Variants in N4BP1 observed in about 807,000 individuals in gnomAD.
N4BP1 encodes NEDD4-binding protein 1.
In N4BP1, 21 loss-of-function variants were observed where a neutral mutation model predicts 70.9. That is an observed-to-expected ratio of 0.30 (90% confidence interval 0.21 to 0.43). The LOEUF (loss-of-function observed/expected upper bound fraction) is 0.43, where lower values mean the gene tolerates loss of function less well. Among genes scored for constraint, N4BP1 ranks in the 20% least tolerant of loss-of-function variants. N4BP1 has a pLI of 1.00. For missense variants in N4BP1, 936 were observed against 1,069.4 expected (o/e 0.88, Z 1.74); for synonymous variants, 387 against 394.6 (o/e 0.98, Z 0.23).
chr16:48,581,265 C>T (rs1464029467), intron 1 of N4BP1, among the ~76,000 whole-genome samples: 1 of 151,286 alleles, frequency 6.6e-6, no homozygotes, highest in African/African-American at 2.4e-5. Flanking sequence ...AAAAAAATCC[C>T]AACACTTCAA....
At chr16:48,575,918 C>A (rs985983381) in intron 1 of N4BP1, among the ~76,000 whole-genome samples, 1 of 152,164 alleles carries the variant, frequency 6.6e-6, no homozygotes, top group Admixed American at 6.5e-5. Flanking sequence ...TTCAAGTCAA[C>A]CACAAGTCAC....
chr16:48,553,745 T>C, intron 2 of N4BP1, 76 bp from the exon 3 acceptor site: 1 of 1,216,684 alleles, frequency 8.2e-7, no homozygotes, highest in Non-Finnish European at 1.1e-6. Context: ...CATGAAAAGT[T>C]AACATACACA....
chr16:48,569,718 A>C (rs1406583787), intron 1 of N4BP1, among the ~76,000 whole-genome samples: 1 of 152,154 alleles, frequency 6.6e-6, no homozygotes, highest in Non-Finnish European at 1.5e-5. Context: ...TATCTATCCC[A>C]CATGTATGCC....
chr16:48,579,941 G>A (rs1477183068), intron 1 of N4BP1, among the ~76,000 whole-genome samples: 2 of 151,742 alleles, frequency 1.3e-5, no homozygotes, highest in African/African-American at 2.4e-5. Flanking sequence ...ATATATATAT[G>A]TACACACTCA....
At chr16:48,608,832 C>T (rs981342926) in intron 1 of N4BP1, among the ~76,000 whole-genome samples, 1 of 151,274 alleles carries the variant, frequency 6.6e-6, no homozygotes, top group Non-Finnish European at 1.5e-5. Context: ...GCTGCACATT[C>T]CTTCTGAAGC....
At chr16:48,609,717 G>GCCCGGAGA in intron 1 of N4BP1, 58 bp downstream of exon 1, 1 of 1,231,398 alleles carries the variant, frequency 8.1e-7, no homozygotes, top group Non-Finnish European at 1.0e-6. Context: ...AGGAGCGGGA[G>GCCCGGAGA]CCCGGAGACC....
rs150451089 is a variant in N4BP1, at chr16:48,546,039, A to T, written c.2333+108T>A. 5.0e-3 allele frequency: 3,452 copies of T among 694,210 alleles called. 88 individuals are homozygous for T. The African/African-American group carries it at 0.056, about 11-fold the overall frequency. The allele number at this position is 694,210 out of a possible 1,614,324, so 43.0% of individuals were successfully genotyped here. On this transcript the variant is annotated intron_variant, in intron 6 of 6. Transcript: ENST00000262384. Reference sequence around the variant, plus strand: ...GAAGACCTTGTCTCAAAAAAAAAAAAAATAATTTTTTTAATGTCATTTTTA... The same window carrying T: ...GAAGACCTTGTCTCAAAAAAAAAAATAATAATTTTTTTAATGTCATTTTTA...
chr16:48,581,392 G>A (rs899437229), intron 1 of N4BP1, among the ~76,000 whole-genome samples: 1 of 151,990 alleles, frequency 6.6e-6, no homozygotes, highest in African/African-American at 2.4e-5. Flanking sequence ...TTTCAATATG[G>A]TATTCAAAGT....
intron 1 of N4BP1, among the ~76,000 whole-genome samples, chr16:48,594,489 G>A (rs970926510): frequency 6.6e-6 from 1 of 152,036 alleles, no homozygotes; most frequent in Non-Finnish European, 1.5e-5. Context: ...CAAGTGGCTG[G>A]GATTATAGGT....
At chr16:48,556,700 C>T (rs1416169604) in intron 2 of N4BP1, among the ~76,000 whole-genome samples, 1 of 152,114 alleles carries the variant, frequency 6.6e-6, no homozygotes, top group Non-Finnish European at 1.5e-5. Context: ...GGGTGACACA[C>T]AGCTGATAAA....
chr16:48,562,232 A>G lies in N4BP1; in HGVS notation c.411T>C (p.Phe137=). 6.2e-7 allele frequency: 1 copy of G among 1,613,898 alleles called. No homozygotes were observed. The highest frequency in any genetic ancestry group is 2.2e-5 in the East Asian group (1 of 44,880). The change falls in exon 2 of 7, where the codon TTT becomes TTC. Residue 137 remains phenylalanine (F), a synonymous_variant. Coordinates refer to ENST00000262384, the MANE Select transcript of N4BP1 (RefSeq NM_153029.4). ...VVMARSHIQQ[F]VKLFENKENL... is the part of the protein sequence containing the mutation. ...TCTCTTTATTTTCAAAGAGCTTTACAAATTGTTGAATGTGACTCCTAGCCA... is the reference window on the plus strand; with the variant it reads ...TCTCTTTATTTTCAAAGAGCTTTACGAATTGTTGAATGTGACTCCTAGCCA...
Position 48,561,463 on chromosome 16 carries a change from C to T in N4BP1, c.1180G>A (p.Asp394Asn). ...IEKENKRFQE[D>N]REFSAGTVYP... The stretch of plus-strand genomic sequence containing the variant: ...ACTGTACCAGCTGAAAATTCTCTGT[C>T]TTCTTGGAATCTTTTATTTTCTTTT... Residue 394 changes from aspartate (D) to asparagine (N), a missense_variant, in exon 2 of 7, where the codon GAC becomes AAC. Asp to Asn is a conservative substitution (Grantham distance 23). Around this residue, in one of 4 missense-constraint regions of N4BP1, gnomAD observed 515 missense variants for 491.7 expected, o/e 1.05. Transcript: ENST00000262384. 6.2e-7 allele frequency: 1 copy of T among 1,611,818 alleles called. No individual in the cohort carries two copies. The highest frequency in any genetic ancestry group is 2.2e-5 in the East Asian group (1 of 44,866).
Position 48,609,801 on chromosome 16 carries a change from C to T in N4BP1, c.172G>A (p.Ala58Thr). 6.8e-7 allele frequency: 1 copy of T among 1,467,428 alleles called. No individual in the cohort carries two copies. Among genetic ancestry groups the T allele is most frequent in the Middle Eastern group, 2.3e-4 (1 of 4,414 alleles). 90.9% of individuals were successfully genotyped at this position (1,467,428 alleles called of 1,614,324 possible). Residue 58 changes from alanine (A) to threonine (T), a missense_variant, in exon 1 of 7, where the codon GCG becomes ACG. By Grantham distance (58) the Ala-to-Thr change is moderately conservative. Transcript: ENST00000262384. Reference sequence around the variant, plus strand: ...TTGGCGCTGTGCACCGCCTCCTGCGCCCCGCAGAGCTGCAGCCAGATGCGC... The same window carrying T: ...TTGGCGCTGTGCACCGCCTCCTGCGTCCCGCAGAGCTGCAGCCAGATGCGC... The part of the protein sequence containing the change: ...PARIWLQLCG[A>T]QEAVHSAKEY...
At chr16:48,601,066 A>G (rs768304376) in intron 1 of N4BP1, among the ~76,000 whole-genome samples, 1 of 152,272 alleles carries the variant, frequency 6.6e-6, no homozygotes, top group Non-Finnish European at 1.5e-5. Context: ...AATTTGTATG[A>G]CAATGTCAAA....
At position 48,553,587 on chromosome 16, in the gene N4BP1, T is replaced by C. The variant is rs199510508; in HGVS notation, c.1972A>G (p.Thr658Ala). The change falls in exon 3 of 7, where the codon ACT becomes GCT. Residue 658 changes from threonine to alanine, a missense_variant. Thr to Ala is a moderately conservative substitution (Grantham distance 58). Coordinates refer to ENST00000262384, the MANE Select transcript of N4BP1 (RefSeq NM_153029.4). ...GTTCTCCACTGAGGGACAAATACAG[T>C]GATGTTTCTGTTGCCAAGCTTCCAA... is the stretch of plus-strand genomic sequence containing the variant. ...YFWKLGNRNITVFVPQWRTRR... is the reference protein window; with the variant it reads ...YFWKLGNRNIAVFVPQWRTRR... 6.2e-7 allele frequency: 1 copy of C among 1,608,744 alleles called. No individual in the cohort carries two copies. The highest frequency in any genetic ancestry group is 8.5e-7 in the Non-Finnish European group (1 of 1,177,840).
At chr16:48,549,891 C>CTGTGTTTT (rs1963641298) in intron 4 of N4BP1, among the ~76,000 whole-genome samples, 1 of 152,170 alleles carries the variant, frequency 6.6e-6, no homozygotes, top group Non-Finnish European at 1.5e-5. Flanking sequence ...GCGAAAACAC[C>CTGTGTTTT]AGGGTTGTTG....
rs1290544911 is a variant in N4BP1 at position 48,541,929 on chromosome 16, C to T, written c.*975G>A. On this transcript the variant is annotated 3_prime_UTR_variant, in exon 7 of 7. Coordinates refer to ENST00000262384, the MANE Select transcript of N4BP1 (RefSeq NM_153029.4). ...TGGGTCACTTTTGAGAATAGAAAAC[C>T]ATTTTTTGGCAAAGCTGTACAAACT... 1 of 152,626 alleles carries T rather than the reference C, an allele frequency of 6.6e-6. No homozygotes were observed. Among genetic ancestry groups the T allele is most frequent in the Non-Finnish European group, 1.5e-5 (1 of 68,048 alleles). 9.5% of individuals were successfully genotyped at this position (152,626 alleles called of 1,614,324 possible).
chr16:48,575,260 A>G (rs892554249), intron 1 of N4BP1, among the ~76,000 whole-genome samples: 6 of 152,204 alleles, frequency 3.9e-5, no homozygotes, highest in African/African-American at 1.4e-4. Flanking sequence ...AATATCCATC[A>G]TTTGAATTGG....
At chr16:48,559,473 G>A (rs1963819449) in intron 2 of N4BP1, among the ~76,000 whole-genome samples, 1 of 152,154 alleles carries the variant, frequency 6.6e-6, no homozygotes, top group Non-Finnish European at 1.5e-5. Context: ...AATCAATGGT[G>A]TTAAATTAAA....
Sources: allele counts gnomAD v4.1 joint callset (sites outside exome capture counted in the v4.1 genomes callset), GRCh38; gene constraint gnomAD v4.1.1; regional missense constraint gnomAD v4.1.1; transcripts MANE v1.5; gene names NCBI Gene and HGNC (gene_info 2026-07-23, HGNC 2026-07-21).